Variants in ARMH4 observed in about 807,000 individuals in gnomAD.
ARMH4 encodes armadillo-like helical domain-containing protein 4.
In ARMH4, 49 loss-of-function variants were observed where a neutral mutation model predicts 61.9. That is an observed-to-expected ratio of 0.79 (90% CI 0.63 to 1.00). ARMH4 has a LOEUF of 1.00. Ranked by LOEUF, ARMH4 falls within the 50% of genes least tolerant of loss-of-function variation. ARMH4 has a pLI of 0.00. For missense variants in ARMH4, 934 were observed against 930.0 expected (o/e 1.00, Z -0.06); for synonymous variants, 368 against 341.5 (o/e 1.08, Z -0.85).
chr14:58,039,226 C>T (rs931200098), intron 5 of ARMH4, among the ~76,000 whole-genome samples: 5 of 152,202 alleles, frequency 3.3e-5, no homozygotes, highest in African/African-American at 1.2e-4. Context: ...TCACAGCAGT[C>T]AGTCTAGCAT....
intron 4 of ARMH4, among the ~76,000 whole-genome samples, chr14:58,110,843 T>A (rs1886331548): frequency 6.6e-6 from 1 of 152,188 alleles, no homozygotes; most frequent in Non-Finnish European, 1.5e-5. Context: ...TGCCTCAGCC[T>A]CCCAAGTAGT....
At chr14:58,140,648 C>T (rs1887511245) in intron 1 of ARMH4, among the ~76,000 whole-genome samples, 1 of 151,652 alleles carries the variant, frequency 6.6e-6, no homozygotes, top group South Asian at 2.1e-4. Flanking sequence ...CACCTGAAAT[C>T]CCAGCACTTT....
intron 5 of ARMH4, among the ~76,000 whole-genome samples, chr14:58,026,065 C>T (rs1318626081): frequency 6.6e-6 from 1 of 151,636 alleles, no homozygotes. Flanking sequence ...GAACGTCCTG[C>T]AATCAACTGT....
intron 5 of ARMH4, among the ~76,000 whole-genome samples, chr14:58,041,427 A>T (rs1883699273): frequency 6.6e-6 from 1 of 152,204 alleles, no homozygotes; most frequent in African/African-American, 2.4e-5. Context: ...CCTGCCCTAC[A>T]AGAGCTCCTG....
chr14:58,100,251 C>A (rs762132457), intron 4 of ARMH4, among the ~76,000 whole-genome samples: 3 of 152,130 alleles, frequency 2.0e-5, no homozygotes, highest in Non-Finnish European at 4.4e-5. Context: ...GTGAAATAGT[C>A]GTCTTGGAGA....
chr14:58,093,655 T>A (rs567059791), intron 5 of ARMH4, among the ~76,000 whole-genome samples: 1 of 152,200 alleles, frequency 6.6e-6, no homozygotes, highest in East Asian at 1.9e-4. Context: ...GACCTCAGAG[T>A]CTTTAGTAAA....
chr14:58,067,856 A>T (rs74706096), intron 5 of ARMH4, among the ~76,000 whole-genome samples: 2,053 of 152,308 alleles, frequency 0.013, 41 homozygotes, highest in African/African-American at 0.044. Flanking sequence ...CCTTATGAAA[A>T]TATGTAAAAT....
chr14:58,014,578 T>C (rs577941045), intron 5 of ARMH4, among the ~76,000 whole-genome samples: 79 of 152,204 alleles, frequency 5.2e-4, no homozygotes, highest in African/African-American at 1.8e-3. Context: ...AAAATACGAG[T>C]ATTTTGTAAA....
chr14:58,071,646 C>T (rs1884885976), intron 5 of ARMH4, among the ~76,000 whole-genome samples: 1 of 152,078 alleles, frequency 6.6e-6, no homozygotes, highest in Non-Finnish European at 1.5e-5. Context: ...ACTGCTTCAA[C>T]ATTTGATTTT....
At chr14:58,017,207 G>A (rs79343166) in intron 5 of ARMH4, among the ~76,000 whole-genome samples, 2 of 151,968 alleles carry the variant, frequency 1.3e-5, no homozygotes, top group African/African-American at 2.4e-5. Context: ...TCAGCTACTC[G>A]GGAGGCTGAG....
At chr14:58,071,875 C>A (rs1362312327) in intron 5 of ARMH4, among the ~76,000 whole-genome samples, 1 of 152,202 alleles carries the variant, frequency 6.6e-6, no homozygotes, top group Non-Finnish European at 1.5e-5. Context: ...ATAAAATGCA[C>A]CATGACAAGA....
chr14:58,131,410 A>G, intron 4 of ARMH4, 102 bp downstream of exon 4: 1 of 899,618 alleles, frequency 1.1e-6, no homozygotes, highest in Non-Finnish European at 1.7e-6. Context: ...TCTGATCTAT[A>G]CTGCAGATTG....
intron 5 of ARMH4, among the ~76,000 whole-genome samples, chr14:58,053,329 G>A (rs1350403035): frequency 3.3e-5 from 5 of 152,144 alleles, no homozygotes; most frequent in African/African-American, 4.8e-5. Context: ...GCACCCCATT[G>A]CTCACAGCAT....
intron 5 of ARMH4, among the ~76,000 whole-genome samples, chr14:58,077,104 G>A (rs1885072114): frequency 2.6e-5 from 4 of 152,200 alleles, no homozygotes. Flanking sequence ...ATGGATGCTA[G>A]GTGGTAAGAT....
chr14:58,118,067 A>C (rs1886591395), intron 4 of ARMH4, among the ~76,000 whole-genome samples: 1 of 152,118 alleles, frequency 6.6e-6, no homozygotes, highest in Non-Finnish European at 1.5e-5. Context: ...TATTCTACTC[A>C]TCAGTGTGGG....
chr14:58,063,507 A>G (rs1884596976), intron 5 of ARMH4, among the ~76,000 whole-genome samples: 1 of 151,172 alleles, frequency 6.6e-6, no homozygotes, highest in African/African-American at 2.4e-5. Flanking sequence ...TTTTAAAATA[A>G]CATTTTATTA....
rs1000581403 is a variant in ARMH4, at chr14:58,004,492, AGTTGTAGCCCACG to A, written c.*231_*243del. On this transcript the variant is annotated 3_prime_UTR_variant, in exon 8 of 8. Transcript: ENST00000267485. ...AAAACATATATGTTGCATATTTATGAGTTGTAGCCCACGGTTGTGGAAAATTCACTACAGAATA... is the reference window on the plus strand; with the variant it reads ...AAAACATATATGTTGCATATTTATGAGTTGTGGAAAATTCACTACAGAATA... 2.8e-6 allele frequency: 1 copy of A among 352,710 alleles called. No individual in the cohort carries two copies. The highest frequency in any genetic ancestry group is 2.1e-5 in the African/African-American group (1 of 47,946). The allele number at this position is 352,710 out of a possible 1,614,324, so 21.8% of individuals were successfully genotyped here. A position where few individuals can be genotyped will look rare whatever the true frequency, so the allele number is the denominator to read the frequency against.
intron 5 of ARMH4, among the ~76,000 whole-genome samples, chr14:58,038,715 T>C (rs1883575900): frequency 6.6e-6 from 1 of 152,196 alleles, no homozygotes; most frequent in African/African-American, 2.4e-5. Context: ...GTGATGAGCA[T>C]AAATGACATT....
At chr14:58,142,948 G>T (rs1037325132) in intron 1 of ARMH4, among the ~76,000 whole-genome samples, 1 of 152,066 alleles carries the variant, frequency 6.6e-6, no homozygotes, top group Non-Finnish European at 1.5e-5. Flanking sequence ...TAGAGCTAAG[G>T]CTTCCTGCCA....
Sources: allele counts gnomAD v4.1 joint callset (sites outside exome capture counted in the v4.1 genomes callset), GRCh38; gene constraint gnomAD v4.1.1; transcripts MANE v1.5; gene names NCBI Gene and HGNC (gene_info 2026-07-23, HGNC 2026-07-21).